The following ARMC3 variants were observed in gnomAD, a reference collection of about 807,000 sequenced individuals.
ARMC3 encodes the protein armadillo repeat-containing protein 3.
ARMC3 carries 74 observed loss-of-function variants against 90.3 expected under a neutral mutation model. That is an observed-to-expected ratio of 0.82 (90% CI 0.68 to 0.99). The LOEUF is 0.99. Among genes scored for constraint, ARMC3 ranks in the 50% least tolerant of loss-of-function variants. The probability of loss-of-function intolerance (pLI) is 0.00; values close to 1 mark genes in which losing one functional copy is unlikely to be tolerated. For missense variants in ARMC3, 958 were observed against 1,042.8 expected, an observed-to-expected ratio of 0.92 and a Z score of 1.12; for synonymous variants, 334 against 361.8, an observed-to-expected ratio of 0.92 and a Z score of 0.87.
chr10:22,944,328 A>G (rs890298577), intron 2 of ARMC3, among the ~76,000 whole-genome samples: 2 of 152,134 alleles, frequency 1.3e-5, no homozygotes, highest in Non-Finnish European at 2.9e-5. Context: ...TCAAGCTAAT[A>G]TTTTATCCAC....
intron 16 of ARMC3, among the ~76,000 whole-genome samples, chr10:23,020,108 T>C (rs1487554669): frequency 6.6e-6 from 1 of 151,162 alleles, no homozygotes; most frequent in African/African-American, 2.5e-5. Context: ...TGTGTGTGAA[T>C]GTAAGTTTTT....
intron 1 of ARMC3, among the ~76,000 whole-genome samples, chr10:22,929,223 AAAAAAG>A (rs1286210415): frequency 3.6e-4 from 55 of 151,800 alleles, no homozygotes; most frequent in Middle Eastern, 6.8e-3. Context: ...ACTCTGTCTC[AAAAAAG>A]AAAAAGAAAA....
rs557846501 is a variant in ARMC3 at position 22,992,687 on chromosome 10, G to A, written c.1176-5461G>A. On this transcript the variant is annotated intron_variant, in intron 10 of 18. Transcript: ENST00000298032. Reference sequence around the variant, plus strand: ...CGTCCTGTAGCTGTGGGGCTGTGGCGGGATGATCCTTGTTCTGGACTCAGA... The same window carrying A: ...CGTCCTGTAGCTGTGGGGCTGTGGCAGGATGATCCTTGTTCTGGACTCAGA... 4.3e-4 allele frequency among the ~76,000 whole-genome samples: 66 copies of A among 152,240 alleles called. 2 individuals are homozygous for A. The highest frequency in any genetic ancestry group is 1.2e-3 in the African/African-American group (49 of 41,532).
At chr10:22,933,646 G>T in intron 2 of ARMC3, among the ~76,000 whole-genome samples, 1 of 152,100 alleles carries the variant, frequency 6.6e-6, no homozygotes, top group Non-Finnish European at 1.5e-5. Context: ...AGAGTGTTGG[G>T]AGGCTGAGGC....
At chr10:22,955,702 T>G in intron 3 of ARMC3, 105 bp from the exon 4 acceptor site, 1 of 1,377,196 alleles carries the variant, frequency 7.3e-7, no homozygotes, top group Middle Eastern at 1.9e-4. Flanking sequence ...AAGCCAAGAG[T>G]AATGTGAAAG....
intron 10 of ARMC3, among the ~76,000 whole-genome samples, chr10:22,993,665 G>A (rs1836814676): frequency 6.6e-6 from 1 of 152,150 alleles, no homozygotes; most frequent in African/African-American, 2.4e-5. Context: ...TAAGTACCAG[G>A]TACAGACATA....
intron 1 of ARMC3, among the ~76,000 whole-genome samples, chr10:22,929,400 T>C (rs1462592259): frequency 2.6e-5 from 4 of 152,208 alleles, no homozygotes; most frequent in East Asian, 1.9e-4. Context: ...TTTTATTTTA[T>C]TCGTTGTGCC....
intron 18 of ARMC3, among the ~76,000 whole-genome samples, chr10:23,033,873 G>A (rs551276374): frequency 1.3e-5 from 2 of 152,252 alleles, no homozygotes; most frequent in East Asian, 3.9e-4. Context: ...GGGGCAGCTG[G>A]TAATGATGGC....
intron 6 of ARMC3, chr10:22,960,787 AAG>A (rs1835156965): frequency 1.3e-5 from 2 of 152,214 alleles, no homozygotes; most frequent in African/African-American, 4.8e-5. Flanking sequence ...GTCCAAAATC[AAG>A]GTGTCAGTAG....
At chr10:23,002,145 G>A (rs1056912625) in intron 12 of ARMC3, 90 bp downstream of exon 12, 1 of 1,500,358 alleles carries the variant, frequency 6.7e-7, no homozygotes, top group Non-Finnish European at 8.9e-7. Context: ...TTCAAGCCAA[G>A]TCTCCGCTGC....
chr10:22,930,834 A>G (rs1034841512), intron 1 of ARMC3, among the ~76,000 whole-genome samples: 1 of 152,234 alleles, frequency 6.6e-6, no homozygotes. Context: ...ATACCGTTTA[A>G]GATGGCCCTG....
At chr10:22,955,689 C>T (rs1301342152) in intron 3 of ARMC3, 118 bp from the exon 4 acceptor site, 4 of 1,250,104 alleles carry the variant, frequency 3.2e-6, no homozygotes, top group East Asian at 4.8e-5. Context: ...GAAATACGAA[C>T]GGAAGCCAAG....
intron 10 of ARMC3, among the ~76,000 whole-genome samples, chr10:22,987,983 C>G (rs1178519080): frequency 6.6e-6 from 1 of 152,066 alleles, no homozygotes; most frequent in African/African-American, 2.4e-5. Flanking sequence ...CAGGACCGCA[C>G]AAGGGAATGA....
chr10:23,009,403 G>A (rs1165332607), intron 16 of ARMC3, among the ~76,000 whole-genome samples: 1 of 152,184 alleles, frequency 6.6e-6, no homozygotes, highest in African/African-American at 2.4e-5. Flanking sequence ...GACCCTCCAT[G>A]GGAGAAGGAA....
intron 10 of ARMC3, among the ~76,000 whole-genome samples, chr10:22,987,717 T>C (rs1836515456): frequency 6.6e-6 from 1 of 152,216 alleles, no homozygotes; most frequent in Admixed American, 6.5e-5. Flanking sequence ...TTCCATGTCA[T>C]CCCCATGAAG....
At chr10:22,951,323 T>TA (rs1834732799) in intron 3 of ARMC3, among the ~76,000 whole-genome samples, 1 of 152,266 alleles carries the variant, frequency 6.6e-6, no homozygotes, top group East Asian at 1.9e-4. Context: ...TATCCACAAT[T>TA]AAAGCTGGAG....
At chr10:22,933,657 G>A (rs1253150224) in intron 2 of ARMC3, among the ~76,000 whole-genome samples, 5 of 152,068 alleles carry the variant, frequency 3.3e-5, no homozygotes, top group African/African-American at 4.8e-5. Flanking sequence ...AGGCTGAGGC[G>A]GGCGGATCAC....
At chr10:23,012,553 A>G (rs1169916802) in intron 16 of ARMC3, among the ~76,000 whole-genome samples, 1 of 152,012 alleles carries the variant, frequency 6.6e-6, no homozygotes, top group African/African-American at 2.4e-5. Context: ...ACCTGAACTC[A>G]TTGTTCACCG....
At chr10:23,005,211 C>CAAAAAAAAAAAAAA in intron 13 of ARMC3, among the ~76,000 whole-genome samples, 1 of 60,964 alleles carries the variant, frequency 1.6e-5, no homozygotes, top group Non-Finnish European at 3.5e-5. Context: ...AGACTCGTCT[C>CAAAAAAAAAAAAAA]AAAAAAAAAA....
Sources: allele counts gnomAD v4.1 joint callset (sites outside exome capture counted in the v4.1 genomes callset), GRCh38; gene constraint gnomAD v4.1.1; transcripts MANE v1.5; gene names NCBI Gene and HGNC (gene_info 2026-07-23, HGNC 2026-07-21).